Variants in PCDH7 observed in about 807,000 individuals in gnomAD.
PCDH7 encodes protocadherin-7.
A neutral mutation model predicts 58.9 loss-of-function variants in PCDH7; 17 were observed. The observed-to-expected ratio is 0.29, with a 90% CI of 0.20 to 0.43. The LOEUF (loss-of-function observed/expected upper bound fraction) is 0.43, where lower values mean the gene tolerates loss of function less well. Among genes scored for constraint, PCDH7 ranks in the 20% least tolerant of loss-of-function variants. The pLI, the probability that PCDH7 is intolerant of heterozygous loss-of-function variation, is 1.00. For missense variants in PCDH7, 1,274 were observed against 1,441.0 expected, an observed-to-expected ratio of 0.88 and a Z score of 1.88; for synonymous variants, 664 against 616.4, an observed-to-expected ratio of 1.08 and a Z score of -1.14.
chr4:31,053,801 A>G (rs952823028), intron 3 of PCDH7, among the ~76,000 whole-genome samples: 11 of 152,052 alleles, frequency 7.2e-5, no homozygotes, highest in Admixed American at 5.9e-4. Flanking sequence ...GTTACATATT[A>G]TGATTCTTTT....
At chr4:30,895,741 G>A (rs771258308) in intron 1 of PCDH7, among the ~76,000 whole-genome samples, 1 of 152,112 alleles carries the variant, frequency 6.6e-6, no homozygotes, top group Non-Finnish European at 1.5e-5. Flanking sequence ...TAGCAGGATG[G>A]ACTTTGCTGT....
intron 3 of PCDH7, among the ~76,000 whole-genome samples, chr4:31,108,369 T>TAAAAAAAAAA (rs71190491): frequency 3.0e-4 from 18 of 60,084 alleles, no homozygotes; most frequent in African/African-American, 4.3e-4. Context: ...CAGCATACAG[T>TAAAAAAAAAA]AAAAAAAAAA....
At chr4:30,875,157 T>G (rs1179348378) in intron 1 of PCDH7, among the ~76,000 whole-genome samples, 1 of 152,062 alleles carries the variant, frequency 6.6e-6, no homozygotes, top group Non-Finnish European at 1.5e-5. Context: ...ATCAAGGTGG[T>G]TGCACCGTTG....
chr4:31,008,146 G>C (rs547651807), intron 3 of PCDH7, among the ~76,000 whole-genome samples: 1 of 152,006 alleles, frequency 6.6e-6, no homozygotes, highest in Non-Finnish European at 1.5e-5. Flanking sequence ...GAGGAGAAAA[G>C]GTGCATTAGT....
intron 3 of PCDH7, among the ~76,000 whole-genome samples, chr4:30,978,903 G>T (rs1380925712): frequency 6.6e-6 from 1 of 152,088 alleles, no homozygotes; most frequent in South Asian, 2.1e-4. Context: ...AGTCCATCTT[G>T]AAGGGGGCGA....
intron 1 of PCDH7, among the ~76,000 whole-genome samples, chr4:30,830,726 A>G (rs1729666396): frequency 1.3e-5 from 2 of 152,114 alleles, no homozygotes; most frequent in African/African-American, 4.8e-5. Context: ...TAGCCATTTC[A>G]GAAAGAAAAT....
At chr4:30,943,667 T>A (rs575863569) in intron 2 of PCDH7, among the ~76,000 whole-genome samples, 1 of 152,174 alleles carries the variant, frequency 6.6e-6, no homozygotes, top group East Asian at 1.9e-4. Context: ...TGACTTTGAG[T>A]GTGGTCCAAA....
chr4:30,853,083 G>A (rs1312789145), intron 1 of PCDH7, among the ~76,000 whole-genome samples: 6 of 152,034 alleles, frequency 3.9e-5, no homozygotes, highest in African/African-American at 1.4e-4. Context: ...TGGAATGTGA[G>A]GGGGATGGGT....
At chr4:30,917,863 A>G (rs987375028) in intron 1 of PCDH7, among the ~76,000 whole-genome samples, 1 of 152,182 alleles carries the variant, frequency 6.6e-6, no homozygotes, top group Non-Finnish European at 1.5e-5. Context: ...CACAGATTCC[A>G]AAATTTTTCC....
Position 30,723,999 on chromosome 4 carries a change from C to T in PCDH7, c.2577C>T (p.Ile859=), listed in dbSNP as rs1454471086. ...CCCAGATAGCTAGAAGTTTGCACAT[C>T]CCACTCACCCAGGATATAGCTGGTG... The change falls in exon 1 of 2, where the codon ATC becomes ATT. Residue 859 remains isoleucine (I), a synonymous_variant. Transcript: ENST00000361762. The surrounding 1 kb of genome is among the most constrained non-coding windows in gnomAD (Gnocchi z 4.6). 1.9e-6 allele frequency: 3 copies of T among 1,614,118 alleles called. No homozygotes were observed. The highest frequency in any genetic ancestry group is 1.7e-6 in the Non-Finnish European group (2 of 1,180,024).
At chr4:31,039,776 A>G (rs1210376225) in intron 3 of PCDH7, among the ~76,000 whole-genome samples, 1 of 152,198 alleles carries the variant, frequency 6.6e-6, no homozygotes, top group Non-Finnish European at 1.5e-5. Context: ...TTCAAAACGG[A>G]ATGAAAACTC....
At chr4:30,956,898 T>G (rs570713233) in intron 3 of PCDH7, among the ~76,000 whole-genome samples, 1 of 152,180 alleles carries the variant, frequency 6.6e-6, no homozygotes, top group African/African-American at 2.4e-5. Flanking sequence ...CAAAAAATTT[T>G]GTATAGAAGA....
intron 3 of PCDH7, among the ~76,000 whole-genome samples, chr4:31,133,145 T>G (rs1719191885): frequency 6.6e-6 from 1 of 152,202 alleles, no homozygotes. Flanking sequence ...ATTTTTGACT[T>G]TGATTCTAAC....
chr4:30,740,237 G>C (rs1256287357), intron 1 of PCDH7, among the ~76,000 whole-genome samples: 1 of 152,130 alleles, frequency 6.6e-6, no homozygotes, highest in Non-Finnish European at 1.5e-5. Flanking sequence ...TGTGAGAATG[G>C]AATTGGATTC....
intron 1 of PCDH7, among the ~76,000 whole-genome samples, chr4:30,816,204 TTAAAA>T (rs1325095007): frequency 1.3e-5 from 2 of 152,310 alleles, no homozygotes; most frequent in East Asian, 3.9e-4. Context: ...CAAATGTGCT[TTAAAA>T]TATATTGTAC....
intron 1 of PCDH7, among the ~76,000 whole-genome samples, chr4:30,860,363 C>T (rs903209354): frequency 1.3e-5 from 2 of 151,732 alleles, no homozygotes; most frequent in Admixed American, 6.6e-5. Context: ...CTTTGTACTG[C>T]TCTGAGGAAG....
intron 2 of PCDH7, among the ~76,000 whole-genome samples, chr4:30,930,936 C>T (rs1284105062): frequency 6.6e-6 from 1 of 151,814 alleles, no homozygotes; most frequent in African/African-American, 2.4e-5. Context: ...GAGACCCTGT[C>T]TCTAAAAAAA....
downstream of PCDH7, among the ~76,000 whole-genome samples, chr4:30,736,085 C>G (rs551120078): frequency 6.6e-6 from 1 of 152,258 alleles, no homozygotes; most frequent in South Asian, 2.1e-4. Flanking sequence ...TGCTGTTAGA[C>G]AAGTATAGTA....
chr4:30,867,561 G>A (rs1735028038), intron 1 of PCDH7, among the ~76,000 whole-genome samples: 1 of 152,046 alleles, frequency 6.6e-6, no homozygotes, highest in East Asian at 1.9e-4. Flanking sequence ...TAAGCTGTAG[G>A]CTCCTTGGGG....
Sources: allele counts gnomAD v4.1 joint callset (sites outside exome capture counted in the v4.1 genomes callset), GRCh38; gene constraint gnomAD v4.1.1; non-coding constraint Gnocchi (gnomAD v3.1); transcripts MANE v1.5; gene names NCBI Gene and HGNC (gene_info 2026-07-23, HGNC 2026-07-21).